The following RABGAP1L variants were observed in gnomAD, a reference collection of about 807,000 sequenced individuals.
The protein encoded by RABGAP1L is RAB GTPase activating protein 1 like.
In RABGAP1L, 63 loss-of-function variants were observed where a neutral mutation model predicts 137.7. The ratio of observed to expected loss-of-function variants is 0.46; its 90% CI spans 0.37 to 0.56. The LOEUF (loss-of-function observed/expected upper bound fraction) is 0.56, where lower values mean the gene tolerates loss of function less well. Ranked by LOEUF, RABGAP1L falls within the 20% of genes least tolerant of loss-of-function variation. The pLI, the probability that RABGAP1L is intolerant of heterozygous loss-of-function variation, is 0.00. For synonymous variants in RABGAP1L, 431 were observed against 433.7 expected, an observed-to-expected ratio of 0.99 and a Z score of 0.08; for missense variants, 1,095 against 1,244.0, an observed-to-expected ratio of 0.88 and a Z score of 1.80.
intron 13 of RABGAP1L, among the ~76,000 whole-genome samples, chr1:174,623,449 T>C (rs879652719): frequency 6.6e-6 from 1 of 152,208 alleles, no homozygotes; most frequent in Non-Finnish European, 1.5e-5. Flanking sequence ...CAGAAAGCTG[T>C]TATACTCATA....
intron 11 of RABGAP1L, among the ~76,000 whole-genome samples, chr1:174,312,999 G>A (rs533205243): frequency 1.5e-4 from 23 of 152,240 alleles, no homozygotes; most frequent in Middle Eastern, 6.8e-3. Flanking sequence ...GGTTACTATA[G>A]CTCTGTAGTA....
chr1:174,414,818 G>A (rs1650363893), intron 13 of RABGAP1L, among the ~76,000 whole-genome samples: 1 of 151,886 alleles, frequency 6.6e-6, no homozygotes, highest in African/African-American at 2.4e-5. Context: ...AAATAGAAGT[G>A]TAGTTGCTAA....
At chr1:174,437,918 C>T (rs1653613649) in intron 13 of RABGAP1L, among the ~76,000 whole-genome samples, 1 of 152,192 alleles carries the variant, frequency 6.6e-6, no homozygotes, top group Non-Finnish European at 1.5e-5. Context: ...CAATATTCAA[C>T]ATTCTTAAAG....
chr1:174,932,800 G>A (rs994475486), intron 19 of RABGAP1L, among the ~76,000 whole-genome samples: 6 of 151,950 alleles, frequency 3.9e-5, no homozygotes, highest in Non-Finnish European at 8.8e-5. Flanking sequence ...TGGCCACTGG[G>A]AGCTCCTTCA....
At chr1:174,596,429 T>G (rs556800435) in intron 13 of RABGAP1L, among the ~76,000 whole-genome samples, 3 of 152,322 alleles carry the variant, frequency 2.0e-5, no homozygotes, top group African/African-American at 7.2e-5. Context: ...GTACAGATCT[T>G]TCACTTCTTT....
intron 14 of RABGAP1L, among the ~76,000 whole-genome samples, chr1:174,642,065 A>C (rs1351495134): frequency 6.6e-6 from 1 of 152,170 alleles, no homozygotes; most frequent in Non-Finnish European, 1.5e-5. Flanking sequence ...AATCAGGTAA[A>C]ATATTATTCA....
chr1:174,600,542 TCCAAATGGGAGAAATTGG>T (rs1670330092), intron 13 of RABGAP1L, among the ~76,000 whole-genome samples: 1 of 152,012 alleles, frequency 6.6e-6, no homozygotes, highest in Admixed American at 6.5e-5. Flanking sequence ...ATACATCCTT[TCCAAATGGGAGAAATTGG>T]CCAAAAAAAA....
intron 18 of RABGAP1L, among the ~76,000 whole-genome samples, chr1:174,781,066 T>G (rs911099361): frequency 3.3e-5 from 5 of 151,990 alleles, no homozygotes; most frequent in South Asian, 4.2e-4. Context: ...ATGATTTATA[T>G]TCCTTTGGGT....
chr1:174,399,873 T>A (rs1432338667), intron 13 of RABGAP1L, among the ~76,000 whole-genome samples: 1 of 152,092 alleles, frequency 6.6e-6, no homozygotes, highest in Non-Finnish European at 1.5e-5. Flanking sequence ...CTCCACCTGG[T>A]CCCTCCCACG....
chr1:174,427,360 C>T (rs565056690), intron 13 of RABGAP1L, among the ~76,000 whole-genome samples: 24 of 152,028 alleles, frequency 1.6e-4, no homozygotes, highest in African/African-American at 5.3e-4. Context: ...TATTTCTTAC[C>T]GGGCTTCTGC....
chr1:174,928,055 T>G (rs1663130192), intron 19 of RABGAP1L, among the ~76,000 whole-genome samples: 1 of 152,236 alleles, frequency 6.6e-6, no homozygotes, highest in Non-Finnish European at 1.5e-5. Context: ...CTCCTTACTG[T>G]GCCCTATAAG....
chr1:174,574,088 A>G (rs1668189317), intron 13 of RABGAP1L, among the ~76,000 whole-genome samples: 1 of 152,210 alleles, frequency 6.6e-6, no homozygotes, highest in East Asian at 1.9e-4. Context: ...GGGTCATTAC[A>G]GCAGGTCCCC....
chr1:174,640,124 A>G (rs1399969589), intron 14 of RABGAP1L, among the ~76,000 whole-genome samples: 1 of 152,136 alleles, frequency 6.6e-6, no homozygotes, highest in African/African-American at 2.4e-5. Flanking sequence ...TATATACATA[A>G]AAATAATTTC....
intron 13 of RABGAP1L, among the ~76,000 whole-genome samples, chr1:174,615,698 A>C (rs920308677): frequency 1.3e-5 from 2 of 152,210 alleles, no homozygotes; most frequent in African/African-American, 4.8e-5. Context: ...CTACAGAGGC[A>C]GGCAGGCCTC....
At chr1:174,653,364 G>A (rs193142472) in intron 14 of RABGAP1L, among the ~76,000 whole-genome samples, 6 of 152,268 alleles carry the variant, frequency 3.9e-5, no homozygotes, top group Admixed American at 3.3e-4. Flanking sequence ...AGCTAGCTTG[G>A]TGTCTGCTCA....
intron 11 of RABGAP1L, among the ~76,000 whole-genome samples, chr1:174,321,173 T>C (rs888423401): frequency 6.6e-6 from 1 of 152,158 alleles, no homozygotes; most frequent in Non-Finnish European, 1.5e-5. Context: ...AGGAAATTCC[T>C]GCCTAGTAAA....
At chr1:174,195,683 T>C (rs1571482875) in intron 1 of RABGAP1L, among the ~76,000 whole-genome samples, 1 of 105,782 alleles carries the variant, frequency 9.5e-6, no homozygotes, top group East Asian at 2.5e-4. Flanking sequence ...CTTCTTTCCT[T>C]CTTTCCTTCT....
chr1:174,836,933 G>T (rs980437942), intron 19 of RABGAP1L, among the ~76,000 whole-genome samples: 13 of 152,194 alleles, frequency 8.5e-5, no homozygotes, highest in Non-Finnish European at 1.6e-4. Context: ...CAGGCGGGGC[G>T]CAGTGGCTCA....
At chr1:174,664,901 C>T (rs1252110981) in intron 14 of RABGAP1L, among the ~76,000 whole-genome samples, 2 of 151,900 alleles carry the variant, frequency 1.3e-5, no homozygotes, top group Admixed American at 1.3e-4. Context: ...CCACACCTGG[C>T]TAATTTTGTA....
Sources: allele counts gnomAD v4.1 joint callset (sites outside exome capture counted in the v4.1 genomes callset), GRCh38; gene constraint gnomAD v4.1.1; transcripts MANE v1.5; gene names NCBI Gene and HGNC (gene_info 2026-07-23, HGNC 2026-07-21).